The following CXADR variants were observed in gnomAD, a reference collection of about 807,000 sequenced individuals.
The protein encoded by CXADR is coxsackievirus and adenovirus receptor.
CXADR carries 20 observed loss-of-function variants against 40.3 expected under a neutral mutation model. The observed-to-expected ratio is 0.50, with a 90% CI of 0.35 to 0.72. The LOEUF is 0.72. Ranked by LOEUF, CXADR falls within the 30% of genes least tolerant of loss-of-function variation. CXADR has a pLI of 0.01. For missense variants in CXADR, 332 were observed against 449.1 expected (o/e 0.74, Z 2.36); for synonymous variants, 150 against 161.3 (o/e 0.93, Z 0.53).
intron 1 of CXADR, among the ~76,000 whole-genome samples, chr21:17,525,817 G>A (rs1292041787): frequency 6.6e-6 from 1 of 152,200 alleles, no homozygotes; most frequent in Non-Finnish European, 1.5e-5. Flanking sequence ...TTATTCTCAT[G>A]TATAGGAAAC....
chr21:17,594,072 C>T (rs1484625231), downstream of CXADR: 1 of 1,609,288 alleles, frequency 6.2e-7, no homozygotes, highest in African/African-American at 1.3e-5. Flanking sequence ...CAACATGACA[C>T]CAACACAATC....
rs1423872516 is a variant in CXADR at position 17,551,825 on chromosome 21, A to G, written c.287A>G (p.Asn96Ser). The G allele has an allele frequency of 1.2e-6, 2 of 1,613,812 alleles. No individual in the cohort carries two copies. The highest frequency in any genetic ancestry group is 1.7e-6 in the Non-Finnish European group (2 of 1,179,860). ...AAAGGCCGAGTACATTTTACGAGTA[A>G]TGATCTCAAATCTGGTGATGCATCA... ...DLKGRVHFTS[N>S]DLKSGDASIN... The change falls in exon 3 of 7, where the codon AAT (asparagine) becomes AGT (serine). Residue 96 changes from asparagine (N) to serine (S), a missense_variant. Coordinates refer to ENST00000284878, the MANE Select transcript of CXADR (RefSeq NM_001338.5).
At position 17,560,745 on chromosome 21, in the gene CXADR, G is replaced by A. The variant is rs746211482; in HGVS notation, c.615G>A (p.Glu205=). 1.5e-5 allele frequency: 25 copies of A among 1,613,850 alleles called. No homozygotes were observed. Among genetic ancestry groups the A allele is most frequent in the Non-Finnish European group, 2.0e-5 (24 of 1,179,944 alleles). ...TATCTGTAAAAAATGCCTCTTCTGA[G>A]TACTCTGGGACATACAGCTGTACAG... ...SVISVKNASS[E]YSGTYSCTVR... Residue 205 remains glutamate (E), a synonymous_variant, in exon 5 of 7, where the codon GAG becomes GAA. Coordinates refer to ENST00000284878, the MANE Select transcript of CXADR (RefSeq NM_001338.5).
intron 2 of CXADR, among the ~76,000 whole-genome samples, chr21:17,550,640 G>T (rs536845633): frequency 6.6e-6 from 1 of 152,274 alleles, no homozygotes; most frequent in South Asian, 2.1e-4. Context: ...AGAATGAAGA[G>T]ATTTCATTAG....
At chr21:17,544,805 G>A (rs1198865542) in intron 1 of CXADR, among the ~76,000 whole-genome samples, 1 of 152,122 alleles carries the variant, frequency 6.6e-6, no homozygotes, top group African/African-American at 2.4e-5. Context: ...GAAAGCTTAC[G>A]ATGGTGCCTA....
chr21:17,617,638 A>G, the CXADR span, among the ~76,000 whole-genome samples: 2 of 152,208 alleles, frequency 1.3e-5, no homozygotes, highest in Non-Finnish European at 2.9e-5. Context: ...GTGCAGTAGC[A>G]TTGTGTCTAA....
chr21:17,602,081 A>G, the CXADR span, among the ~76,000 whole-genome samples: 2 of 152,170 alleles, frequency 1.3e-5, no homozygotes, highest in East Asian at 1.9e-4. Context: ...TAAAACATCA[A>G]GGCTAATTTA....
intron 1 of CXADR, among the ~76,000 whole-genome samples, chr21:17,515,913 C>G (rs1171672072): frequency 1.3e-5 from 2 of 152,132 alleles, no homozygotes; most frequent in Non-Finnish European, 2.9e-5. Flanking sequence ...CAGATTATAC[C>G]GTCAGTGATA....
the CXADR span, among the ~76,000 whole-genome samples, chr21:17,620,586 A>G: frequency 6.6e-6 from 1 of 152,198 alleles, no homozygotes; most frequent in African/African-American, 2.4e-5. Flanking sequence ...TGATGCTTAA[A>G]CACTTGCTTG....
chr21:17,563,332 G>A (rs1226298846), intron 6 of CXADR, among the ~76,000 whole-genome samples: 1 of 151,688 alleles, frequency 6.6e-6, no homozygotes, highest in Non-Finnish European at 1.5e-5. Context: ...CCTTTTACTT[G>A]AACACTTAGA....
the CXADR span, among the ~76,000 whole-genome samples, chr21:17,625,836 C>G: frequency 6.6e-6 from 1 of 152,206 alleles, no homozygotes; most frequent in East Asian, 1.9e-4. Context: ...TCTTCTTTTT[C>G]TTTAACTCCT....
intron 7 of CXADR, chr21:17,593,057 G>A (rs1268601906): frequency 1.9e-6 from 2 of 1,055,344 alleles, no homozygotes; most frequent in South Asian, 4.3e-5. Flanking sequence ...AGATGAAGGT[G>A]ATGGAAAAAG....
At chr21:17,560,443 A>G (rs1338595625) in intron 4 of CXADR, among the ~76,000 whole-genome samples, 3 of 152,214 alleles carry the variant, frequency 2.0e-5, no homozygotes, top group African/African-American at 4.8e-5. Flanking sequence ...GCAGGTACAC[A>G]GTGGACCAGC....
intron 1 of CXADR, chr21:17,542,115 T>C (rs928812585): frequency 3.7e-6 from 1 of 272,960 alleles, no homozygotes; most frequent in African/African-American, 2.3e-5. Flanking sequence ...TTTTCTGTTC[T>C]ACTTTTCTCT....
At chr21:17,588,027 A>G (rs2061409888) in intron 7 of CXADR, among the ~76,000 whole-genome samples, 1 of 152,152 alleles carries the variant, frequency 6.6e-6, no homozygotes, top group African/African-American at 2.4e-5. Context: ...CAGGTTTGTC[A>G]AAGATCAGAT....
At chr21:17,562,152 T>TAA (rs11451059) in intron 6 of CXADR, among the ~76,000 whole-genome samples, 2 of 152,126 alleles carry the variant, frequency 1.3e-5, no homozygotes, top group Non-Finnish European at 1.5e-5. Flanking sequence ...ATACCCCAAT[T>TAA]AAAAAATATT....
rs75317892 is a variant in CXADR, at chr21:17,585,514, G to A, written c.1018-7638G>A. Among the ~76,000 whole-genome samples the A allele has an allele frequency of 2.7e-4, 41 of 151,372 alleles. No homozygotes were observed. The East Asian group carries it at 7.8e-3, about 29-fold the overall frequency. Reference sequence around the variant, plus strand: ...CAATGATCTGTCTTTGTGCTTCTGGGTGTTTAATTATTATTTTTTTTTGAG... The same window carrying A: ...CAATGATCTGTCTTTGTGCTTCTGGATGTTTAATTATTATTTTTTTTTGAG... On this transcript the variant is annotated intron_variant, in intron 7 of 7. Coordinates refer to the CXADR transcript ENST00000400169.
intron 1 of CXADR, among the ~76,000 whole-genome samples, chr21:17,527,855 A>G (rs1281545416): frequency 6.6e-6 from 1 of 151,730 alleles, no homozygotes; most frequent in Admixed American, 6.6e-5. Flanking sequence ...TCTGTCGCCC[A>G]GGCTGGAATG....
intron 1 of CXADR, among the ~76,000 whole-genome samples, chr21:17,534,096 A>T (rs1327521765): frequency 2.7e-4 from 25 of 91,906 alleles, no homozygotes; most frequent in African/African-American, 1.2e-3. Context: ...ATATATATAT[A>T]TATATTTTTT....
Sources: gnomAD v4.1 joint callset for allele counts (sites outside exome capture counted in the v4.1 genomes callset) on GRCh38, gnomAD v4.1.1 for gene constraint, MANE v1.5 for transcripts, NCBI Gene and HGNC (gene_info 2026-07-23, HGNC 2026-07-21) for gene names.